EML6: variants seen among roughly 807,000 people sequenced by gnomAD.
EML6 encodes echinoderm microtubule-associated protein-like 6.
A neutral mutation model predicts 240.1 loss-of-function variants in EML6; 154 were observed. That is an observed-to-expected ratio of 0.64 (90% CI 0.56 to 0.73). The LOEUF is 0.73. Among genes scored for constraint, EML6 ranks in the 30% least tolerant of loss-of-function variants. The probability of loss-of-function intolerance (pLI) is 0.00; values close to 1 mark genes in which losing one functional copy is unlikely to be tolerated. For synonymous variants in EML6, 1,148 were observed against 899.0 expected (o/e 1.28, Z -4.95); for missense variants, 2,964 against 2,474.6 (o/e 1.20, Z -4.20).
chr2:54,942,625 C>T (rs997666187), intron 28 of EML6, among the ~76,000 whole-genome samples: 1 of 152,082 alleles, frequency 6.6e-6, no homozygotes, highest in African/African-American at 2.4e-5. Flanking sequence ...ATTTGAAGTT[C>T]GTGTCATGCT....
chr2:54,861,448 G>C (rs1241140796), intron 12 of EML6, among the ~76,000 whole-genome samples: 1 of 152,218 alleles, frequency 6.6e-6, no homozygotes, highest in Non-Finnish European at 1.5e-5. Context: ...ATTTGTCACA[G>C]ATTCTCTACC....
chr2:54,840,167 G>T lies in EML6; in HGVS notation c.848-3880G>T, dbSNP rs1350446606. Among the ~76,000 whole-genome samples the T allele has an allele frequency of 2.0e-5, 3 of 152,172 alleles. No homozygotes were observed. The East Asian group carries it at 5.8e-4, about 29-fold the overall frequency. On this transcript the variant is annotated intron_variant, in intron 7 of 41. Transcript: ENST00000356458. ...ACCAAATACAGCTCCAGGCCCTTGGGACAAATTCAAGTCATTTGGCCTTGA... is the reference window on the plus strand; with the variant it reads ...ACCAAATACAGCTCCAGGCCCTTGGTACAAATTCAAGTCATTTGGCCTTGA...
rs1676940811 is a variant in EML6, at chr2:54,970,456, C to G, written c.*361C>G. The G allele has an allele frequency of 4.3e-6, 1 of 234,848 alleles. No individual in the cohort carries two copies. The highest frequency in any genetic ancestry group is 2.2e-5 in the African/African-American group (1 of 45,342). 14.5% of individuals were successfully genotyped at this position (234,848 alleles called of 1,614,324 possible). ...CCAATATGTAGCTTTTAATTTGCATCAAAACTTTTACAAAGATGTTTTGCT... is the reference window on the plus strand; with the variant it reads ...CCAATATGTAGCTTTTAATTTGCATGAAAACTTTTACAAAGATGTTTTGCT... On this transcript the variant is annotated 3_prime_UTR_variant, in exon 42 of 42. Coordinates refer to ENST00000356458, the MANE Select transcript of EML6 (RefSeq NM_001039753.4).
chr2:54,859,233 T>G (rs1018637580), intron 11 of EML6, among the ~76,000 whole-genome samples: 1 of 152,222 alleles, frequency 6.6e-6, no homozygotes. Context: ...ATGTGTAAGA[T>G]GTTCATTCTC....
At chr2:54,967,857 A>C (rs1573232958) in intron 39 of EML6, among the ~76,000 whole-genome samples, 2 of 152,194 alleles carry the variant, frequency 1.3e-5, no homozygotes, top group African/African-American at 4.8e-5. Context: ...CTTAGTTCAC[A>C]ATAGGGTTCG....
At chr2:54,856,766 A>G (rs571275778) in intron 11 of EML6, among the ~76,000 whole-genome samples, 63 of 152,356 alleles carry the variant, frequency 4.1e-4, no homozygotes, top group South Asian at 1.0e-3. Flanking sequence ...TCTAAGTGCA[A>G]TGAAAAACTA....
intron 29 of EML6, 49 bp from the exon 30 acceptor site, chr2:54,950,601 C>A (rs1038955786): frequency 6.5e-7 from 1 of 1,546,482 alleles, no homozygotes; most frequent in Non-Finnish European, 8.7e-7. Context: ...TTCCTCGGCT[C>A]TCCCTTCCTT....
At chr2:54,969,424 C>G (rs781713036) in intron 41 of EML6, among the ~76,000 whole-genome samples, 1 of 152,196 alleles carries the variant, frequency 6.6e-6, no homozygotes, top group African/African-American at 2.4e-5. Flanking sequence ...CTCAAAAGCA[C>G]TGTGTATTTC....
intron 2 of EML6, among the ~76,000 whole-genome samples, chr2:54,798,081 G>T (rs1353089100): frequency 6.6e-6 from 1 of 152,242 alleles, no homozygotes; most frequent in East Asian, 1.9e-4. Flanking sequence ...ATTTGAGGAG[G>T]TTTGGTACCT....
chr2:54,818,899 A>G (rs183315430), intron 4 of EML6, among the ~76,000 whole-genome samples: 98 of 152,270 alleles, frequency 6.4e-4, no homozygotes, highest in African/African-American at 2.0e-3. Context: ...TAACTTCAAG[A>G]TTATCCTCAA....
At chr2:54,892,846 GTTTC>G (rs1221413920) in intron 19 of EML6, among the ~76,000 whole-genome samples, 190 bp downstream of exon 19, 1 of 152,162 alleles carries the variant, frequency 6.6e-6, no homozygotes, top group Non-Finnish European at 1.5e-5. Context: ...GTTTACAGTT[GTTTC>G]TTTATATGCA....
At chr2:54,789,719 A>C (rs1669323980) in intron 2 of EML6, among the ~76,000 whole-genome samples, 1 of 152,118 alleles carries the variant, frequency 6.6e-6, no homozygotes, top group African/African-American at 2.4e-5. Flanking sequence ...GATATCCAGA[A>C]GGGAGTTAAT....
intron 28 of EML6, among the ~76,000 whole-genome samples, chr2:54,945,737 G>C (rs973651627): frequency 1.3e-5 from 2 of 152,238 alleles, no homozygotes; most frequent in Non-Finnish European, 2.9e-5. Context: ...AGGGGGAAAG[G>C]AGGGACAAGT....
At chr2:54,946,468 G>C (rs578122180) in intron 28 of EML6, among the ~76,000 whole-genome samples, 2 of 152,328 alleles carry the variant, frequency 1.3e-5, no homozygotes, top group East Asian at 1.9e-4. Context: ...AAGCTTTTCA[G>C]AGTCCCATTT....
At chr2:54,880,560 C>G (rs1558643859) in intron 17 of EML6, 1 of 152,152 alleles carries the variant, frequency 6.6e-6, no homozygotes, top group Non-Finnish European at 1.5e-5. Flanking sequence ...CATGAGGACT[C>G]CAACTGACCA....
In EML6 at chr2:54,827,740, G is replaced by C. The variant is rs1668665269; in HGVS notation, c.700G>C (p.Gly234Arg). ...KGLNLVRTIQ[G>R]AHSAGIFSMY... ...GCTCAATTTAGTCCGCACCATTCAAGGAGCACATAGTGTAAGTATTACCTT... is the reference window on the plus strand; with the variant it reads ...GCTCAATTTAGTCCGCACCATTCAACGAGCACATAGTGTAAGTATTACCTT... Residue 234 changes from glycine to arginine, a missense_variant, in exon 6 of 42, where the codon GGA becomes CGA. Gly to Arg is a moderately radical substitution (Grantham distance 125). Coordinates refer to ENST00000356458, the MANE Select transcript of EML6 (RefSeq NM_001039753.4). 6.4e-7 allele frequency: 1 copy of C among 1,551,074 alleles called. No individual in the cohort carries two copies. The highest frequency in any genetic ancestry group is 8.7e-7 in the Non-Finnish European group (1 of 1,146,560).
intron 2 of EML6, among the ~76,000 whole-genome samples, chr2:54,797,288 T>C (rs778747268): frequency 1.3e-5 from 2 of 151,810 alleles, no homozygotes; most frequent in Non-Finnish European, 2.9e-5. Flanking sequence ...AAGACCATAC[T>C]TTGAGTAGCA....
At chr2:54,793,175 G>A (rs1487974231) in intron 2 of EML6, among the ~76,000 whole-genome samples, 5 of 152,138 alleles carry the variant, frequency 3.3e-5, no homozygotes, top group East Asian at 3.9e-4. Flanking sequence ...GCTGAGGCAG[G>A]AGAATTGCTT....
intron 10 of EML6, among the ~76,000 whole-genome samples, chr2:54,851,240 C>T (rs755969984): frequency 1.3e-5 from 2 of 151,768 alleles, no homozygotes; most frequent in Non-Finnish European, 2.9e-5. Flanking sequence ...GAAGTCCCAT[C>T]TCTGCTAAAG....
Sources: allele counts gnomAD v4.1 joint callset (sites outside exome capture counted in the v4.1 genomes callset), GRCh38; gene constraint gnomAD v4.1.1; transcripts MANE v1.5; gene names NCBI Gene and HGNC (gene_info 2026-07-23, HGNC 2026-07-21).